MTA2: variants seen among roughly 807,000 people sequenced by gnomAD.
MTA2 encodes metastasis-associated protein MTA2.
Under a neutral mutation model 87.1 loss-of-function variants are expected in MTA2, and 22 were observed. The observed-to-expected ratio is 0.25, with a 90% CI of 0.18 to 0.36. The LOEUF (loss-of-function observed/expected upper bound fraction) is 0.36, where lower values mean the gene tolerates loss of function less well. MTA2 is among the 10% of genes least tolerant of loss of function. MTA2 has a pLI of 1.00. For missense variants in MTA2, 542 were observed against 853.2 expected (o/e 0.64, Z 4.54); for synonymous variants, 314 against 310.1 (o/e 1.01, Z -0.13).
At position 62,596,515 on chromosome 11, in the gene MTA2, A is replaced by C. The variant is rs1400427318; in HGVS notation, c.900T>G (p.Leu300=). The change falls in exon 10 of 18, where the codon CTT becomes CTG. Residue 300 remains leucine, a synonymous_variant. Coordinates refer to ENST00000278823, the MANE Select transcript of MTA2 (RefSeq NM_004739.4). Reference sequence around the variant, plus strand: ...TGTAATAAAACTGGACTATGCTGGCAAGTGACTTCCAGGGTAGCTAAGGGG... The same window carrying C: ...TGTAATAAAACTGGACTATGCTGGCCAGTGACTTCCAGGGTAGCTAAGGGG... ...IRQDFLPWKS[L]ASIVQFYYMW... The C allele has an allele frequency of 3.6e-5, 58 of 1,614,062 alleles. No homozygotes were observed. The highest frequency in any genetic ancestry group is 4.7e-5 in the Non-Finnish European group (55 of 1,180,020).
intron 3 of MTA2, among the ~76,000 whole-genome samples, chr11:62,599,591 AAT>A (rs1189424440): frequency 3.3e-5 from 5 of 152,136 alleles, no homozygotes; most frequent in African/African-American, 1.2e-4. Context: ...AGCTAAGGAA[AAT>A]ATGTTTTTTA....
intron 1 of MTA2, 164 bp downstream of exon 1, chr11:62,601,259 G>T: frequency 1.1e-6 from 1 of 888,650 alleles, no homozygotes; most frequent in Non-Finnish European, 1.7e-6. Context: ...CCGCGTCGCG[G>T]TTCCCCGCAC....
chr11:62,597,497 A>G lies in MTA2; in HGVS notation c.594-82T>C, dbSNP rs1304121777. ...TGGGAAATTAAGCCAAAGGAGAAAG[A>G]AGGAAAACATCCATGGCAATGAAAG... On this transcript the variant is annotated intron_variant, in intron 7 of 17. Transcript: ENST00000278823. 15 of 1,519,074 alleles carry G rather than the reference A, an allele frequency of 9.9e-6. No individual in the cohort carries two copies. In the Admixed American group the frequency reaches 2.8e-4, roughly 28 times the overall value. 94.1% of individuals were successfully genotyped at this position (1,519,074 alleles called of 1,614,324 possible).
rs371640516 is a variant in MTA2 at position 62,601,486 on chromosome 11, G to A, written c.-36C>T. 3 of 1,599,442 alleles carry A rather than the reference G, an allele frequency of 1.9e-6. No homozygotes were observed. Among genetic ancestry groups the A allele is most frequent in the Non-Finnish European group, 1.7e-6 (2 of 1,174,534 alleles). On this transcript the variant is annotated 5_prime_UTR_variant, in exon 1 of 18. Coordinates refer to ENST00000278823, the MANE Select transcript of MTA2 (RefSeq NM_004739.4). ...GCCGCCGCCTCCGGCCGCACAAAGG[G>A]GTCCGGGAGGCTCGCGGGGGCAGGG...
chr11:62,597,883 T>C, intron 6 of MTA2, 141 bp downstream of exon 6: 3 of 1,001,272 alleles, frequency 3.0e-6, no homozygotes, highest in Non-Finnish European at 4.6e-6. Context: ...TACAGGCCCA[T>C]TCTGTCAGGG....
chr11:62,601,625 G>T lies in MTA2; in HGVS notation c.-175C>A. 1 of 656,872 alleles carries T rather than the reference G, an allele frequency of 1.5e-6. No individual in the cohort carries two copies. The highest frequency in any genetic ancestry group is 2.4e-6 in the Non-Finnish European group (1 of 411,566). The allele number at this position is 656,872 out of a possible 1,614,324, so 40.7% of individuals were successfully genotyped here. A position where few individuals can be genotyped will look rare whatever the true frequency, so the allele number is the denominator to read the frequency against. On this transcript the variant is annotated 5_prime_UTR_variant, in exon 1 of 18. Coordinates refer to ENST00000278823, the MANE Select transcript of MTA2 (RefSeq NM_004739.4). Reference sequence around the variant, plus strand: ...GCCGTCGCGGTTCATCCCGGCCCGCGCTGTCGCCGCCGCAGCTATCGCCTC... The same window carrying T: ...GCCGTCGCGGTTCATCCCGGCCCGCTCTGTCGCCGCCGCAGCTATCGCCTC...
chr11:62,600,515 A>G, intron 2 of MTA2, 107 bp downstream of exon 2: 1 of 1,064,964 alleles, frequency 9.4e-7, no homozygotes, highest in Non-Finnish European at 1.4e-6. Context: ...GAATGAATGA[A>G]CGAATATGAA....
rs751953569 is a variant in MTA2 at position 62,595,967 on chromosome 11, G to A, written c.1114+43C>T. 8 of 1,613,776 alleles carry A rather than the reference G, an allele frequency of 5.0e-6. No individual in the cohort carries two copies. The highest frequency in any genetic ancestry group is 4.0e-5 in the African/African-American group (3 of 74,884). ...CCCTCAGATTCTTGAGCCACAGCAG[G>A]CCTTCCACCCATCCCCACCATCCCA... On this transcript the variant is annotated intron_variant, in intron 12 of 17. Transcript: ENST00000278823. This position sits in a 1 kb window ranked among gnomAD's most constrained non-coding sequence, Gnocchi z 4.9.
rs1185346806 is a variant in MTA2, at chr11:62,601,626, C to T, written c.-176G>A. The T allele has an allele frequency of 2.0e-5, 13 of 650,958 alleles. No homozygotes were observed. The highest frequency in any genetic ancestry group is 3.0e-5 in the Non-Finnish European group (12 of 406,266). The allele number at this position is 650,958 out of a possible 1,614,324, so 40.3% of individuals were successfully genotyped here. A position where few individuals can be genotyped will look rare whatever the true frequency, so the allele number is the denominator to read the frequency against. On this transcript the variant is annotated 5_prime_UTR_variant, in exon 1 of 18. Transcript: ENST00000278823. ...CCGTCGCGGTTCATCCCGGCCCGCG[C>T]TGTCGCCGCCGCAGCTATCGCCTCA...
In MTA2 at chr11:62,593,828, G is replaced by A. The variant is rs1458509819; in HGVS notation, c.*47C>T. On this transcript the variant is annotated 3_prime_UTR_variant, in exon 18 of 18. Coordinates refer to ENST00000278823, the MANE Select transcript of MTA2 (RefSeq NM_004739.4). ...AGGGAAGGGAGGTTTGGGTGCCCTG[G>A]GCATCCACCCTCTACCTCTCAGCCC... 1.9e-6 allele frequency: 3 copies of A among 1,609,298 alleles called. No individual in the cohort carries two copies. Among genetic ancestry groups the A allele is most frequent in the African/African-American group, 2.7e-5 (2 of 74,740 alleles).
intron 2 of MTA2, 117 bp downstream of exon 2, chr11:62,600,501 CAATG>C (rs1164792299): frequency 1.1e-5 from 11 of 978,900 alleles, no homozygotes; most frequent in East Asian, 2.6e-5. Context: ...TGAATACATC[CAATG>C]AATGAATGAA....
rs981702937 is a variant in MTA2, at chr11:62,594,291, A to G, written c.1809T>C (p.Asn603=). The G allele has an allele frequency of 7.4e-6, 12 of 1,614,002 alleles. No individual in the cohort carries two copies. The African/African-American group carries it at 1.2e-4, about 16-fold the overall frequency. ...CCTTTGTGGCCACAAACACCACAGG[A>G]TTGGGGGCATCAGCTGGGTTTAGTT... is the stretch of plus-strand genomic sequence containing the variant. ...RQKLNPADAP[N]PVVFVATKDT... Residue 603 remains asparagine (N), a synonymous_variant, in exon 17 of 18, where the codon AAT becomes AAC. Transcript: ENST00000278823.
rs764209255 is a variant in MTA2, at chr11:62,596,277, A to C, written c.1016+2T>G. ...CTGGTCTCCCCTACCCACCACACTTACTAGGTGGGAATGTAGACCTGTTTC... is the reference window on the plus strand; with the variant it reads ...CTGGTCTCCCCTACCCACCACACTTCCTAGGTGGGAATGTAGACCTGTTTC... On this transcript the variant is annotated splice_donor_variant, in intron 11 of 17. Transcript: ENST00000278823. LOFTEE classifies it high-confidence loss of function. 1 of 1,613,730 alleles carries C rather than the reference A, an allele frequency of 6.2e-7. No individual in the cohort carries two copies. The highest frequency in any genetic ancestry group is 1.7e-5 in the Admixed American group (1 of 60,008).
In MTA2 at chr11:62,596,819, C is replaced by T. The variant is rs1249642296; in HGVS notation, c.700G>A (p.Ala234Thr). 6 of 1,598,390 alleles carry T rather than the reference C, an allele frequency of 3.8e-6. No homozygotes were observed. Among genetic ancestry groups the T allele is most frequent in the East Asian group, 2.2e-5 (1 of 44,800 alleles). The part of the protein sequence containing the change: ...AASRDITLFH[A>T]MDTLQRNGYD... ...CCGTTCCTTTGCAAGGTATCCATGG[C>T]GTGAAACTATGGGGAAGATGGAGAG... The change falls in exon 9 of 18, where the codon GCC (alanine) becomes ACC (threonine). Residue 234 changes from alanine to threonine, a missense_variant. Physicochemically the swap from Ala to Thr is moderately conservative, Grantham distance 58. Coordinates refer to ENST00000278823, the MANE Select transcript of MTA2 (RefSeq NM_004739.4).
At position 62,593,813 on chromosome 11, in the gene MTA2, G is replaced by A. The variant is rs1942057333; in HGVS notation, c.*62C>T. 6.3e-7 allele frequency: 1 copy of A among 1,597,014 alleles called. No individual in the cohort carries two copies. Among genetic ancestry groups the A allele is most frequent in the African/African-American group, 1.3e-5 (1 of 74,474 alleles). On this transcript the variant is annotated 3_prime_UTR_variant, in exon 18 of 18. Coordinates refer to ENST00000278823, the MANE Select transcript of MTA2 (RefSeq NM_004739.4). ...TCCCTTCGACACGAAAGGGAAGGGA[G>A]GTTTGGGTGCCCTGGGCATCCACCC...
At position 62,595,665 on chromosome 11, in the gene MTA2, T is replaced by C; in HGVS notation, c.1254+87A>G. ...CCCCGTCCATCAAACCATCACCATA[T>C]AAAGAGTTGAATATTCTGGCCTTCA... On this transcript the variant is annotated intron_variant, in intron 13 of 17. Transcript: ENST00000278823. The surrounding 1 kb of genome is among the most constrained non-coding windows in gnomAD (Gnocchi z 4.9). 6.4e-7 allele frequency: 1 copy of C among 1,572,034 alleles called. No individual in the cohort carries two copies. The highest frequency in any genetic ancestry group is 8.7e-7 in the Non-Finnish European group (1 of 1,154,964).
chr11:62,601,744 C>T lies in MTA2; in HGVS notation c.-294G>A, dbSNP rs1015365448. 1 of 515,638 alleles carries T rather than the reference C, an allele frequency of 1.9e-6. No individual in the cohort carries two copies. Among genetic ancestry groups the T allele is most frequent in the African/African-American group, 2.0e-5 (1 of 49,170 alleles). 31.9% of individuals were successfully genotyped at this position (515,638 alleles called of 1,614,324 possible). On this transcript the variant is annotated 5_prime_UTR_variant, in exon 1 of 18. Transcript: ENST00000278823. Reference sequence around the variant, plus strand: ...GCCAGAGCCAGGCTCCAGCTACCCCCGCCCCCGCGGAGTCCCACTAGTCGT... The same window carrying T: ...GCCAGAGCCAGGCTCCAGCTACCCCTGCCCCCGCGGAGTCCCACTAGTCGT...
Position 62,597,768 on chromosome 11 carries a change from T to A in MTA2, c.491-56A>T, listed in dbSNP as rs963877874. ...AGAGGGCAGGGGGGAACAGTTGGTG[T>A]CTTTTCATTCACAATAGCACCTCCT... On this transcript the variant is annotated intron_variant, in intron 6 of 17. Transcript: ENST00000278823. 1.1e-5 allele frequency: 15 copies of A among 1,414,420 alleles called. No individual in the cohort carries two copies. The African/African-American group carries it at 2.1e-4, about 20-fold the overall frequency. The allele number at this position is 1,414,420 out of a possible 1,614,324, so 87.6% of individuals were successfully genotyped here. A position where few individuals can be genotyped will look rare whatever the true frequency, so the allele number is the denominator to read the frequency against.
chr11:62,594,941 T>C, intron 15 of MTA2, 40 bp downstream of exon 15: 2 of 1,572,228 alleles, frequency 1.3e-6, no homozygotes, highest in South Asian at 1.1e-5. Context: ...GGGAAAGGAC[T>C]GGGAGCCTGA....
Sources: gnomAD v4.1 joint callset for allele counts (sites outside exome capture counted in the v4.1 genomes callset) on GRCh38, gnomAD v4.1.1 for gene constraint, Gnocchi (gnomAD v3.1) non-coding constraint, MANE v1.5 for transcripts, NCBI Gene and HGNC (gene_info 2026-07-23, HGNC 2026-07-21) for gene names.